The following SCIN variants were observed in gnomAD, a reference collection of about 807,000 sequenced individuals.
SCIN encodes the protein adseverin.
In SCIN, 91 loss-of-function variants were observed where a neutral mutation model predicts 91.8. That is an observed-to-expected ratio of 0.99 (90% CI 0.84 to 1.18). The LOEUF (loss-of-function observed/expected upper bound fraction) is 1.18. Among genes scored for constraint, SCIN ranks in the 50% most tolerant of loss-of-function variants. The pLI, the probability that SCIN is intolerant of heterozygous loss-of-function variation, is 0.00. For missense variants in SCIN, 1,087 were observed against 863.9 expected, an observed-to-expected ratio of 1.26 and a Z score of -3.24; for synonymous variants, 367 against 312.6, an observed-to-expected ratio of 1.17 and a Z score of -1.84.
intron 14 of SCIN, among the ~76,000 whole-genome samples, chr7:12,650,132 C>G (rs892605259): frequency 3.9e-5 from 6 of 152,038 alleles, no homozygotes; most frequent in Non-Finnish European, 8.8e-5. Flanking sequence ...TTATATAGAA[C>G]AAGTGTGAAA....
At chr7:12,647,251 C>G (rs889365798) in intron 13 of SCIN, among the ~76,000 whole-genome samples, 3 of 152,216 alleles carry the variant, frequency 2.0e-5, no homozygotes, top group African/African-American at 7.2e-5. Flanking sequence ...TACATTTCCT[C>G]TGCACCAACT....
chr7:12,614,228 G>C (rs142274645), intron 4 of SCIN, among the ~76,000 whole-genome samples: 48 of 152,266 alleles, frequency 3.2e-4, no homozygotes, highest in African/African-American at 1.1e-3. Flanking sequence ...CTGGTAGGCT[G>C]AACTTCCTGT....
intron 4 of SCIN, among the ~76,000 whole-genome samples, chr7:12,616,346 G>A (rs1783299425): frequency 6.6e-6 from 1 of 151,972 alleles, no homozygotes; most frequent in African/African-American, 2.4e-5. Context: ...TCTTGAGAGT[G>A]GGTTTATTAT....
chr7:12,618,227 A>T (rs907790738), intron 4 of SCIN, among the ~76,000 whole-genome samples: 3 of 152,154 alleles, frequency 2.0e-5, no homozygotes, highest in African/African-American at 7.2e-5. Flanking sequence ...ACTCAGTCAC[A>T]CTAGCCACAT....
chr7:12,615,610 G>T (rs1783282984), intron 4 of SCIN, among the ~76,000 whole-genome samples: 2 of 152,012 alleles, frequency 1.3e-5, no homozygotes, highest in African/African-American at 4.8e-5. Context: ...TAATTCAACT[G>T]GCTTACCCCT....
intron 5 of SCIN, among the ~76,000 whole-genome samples, chr7:12,623,744 G>A (rs886577908): frequency 5.3e-5 from 8 of 152,044 alleles, no homozygotes; most frequent in South Asian, 2.1e-4. Flanking sequence ...TTTTGGCTCC[G>A]AAACTCTGTG....
intron 9 of SCIN, among the ~76,000 whole-genome samples, chr7:12,630,903 T>C (rs1314783108): frequency 6.6e-6 from 1 of 152,202 alleles, no homozygotes; most frequent in Non-Finnish European, 1.5e-5. Flanking sequence ...CAGAAAAGTG[T>C]TTGTGCAACA....
At chr7:12,628,038 T>C (rs373568208) in intron 8 of SCIN, among the ~76,000 whole-genome samples, 19,768 of 128,962 alleles carry the variant, frequency 0.15, 1,861 homozygotes, top group East Asian at 0.34. Flanking sequence ...CGCGCGTGTG[T>C]GTGTGTGTGT....
intron 1 of SCIN, chr7:12,571,506 T>C (rs758573973): frequency 2.0e-5 from 8 of 407,048 alleles, no homozygotes; most frequent in Non-Finnish European, 3.5e-5. Context: ...ATTTTCTCTA[T>C]GATTGCGGGA....
At chr7:12,621,083 G>A (rs758076245) in intron 4 of SCIN, among the ~76,000 whole-genome samples, 2 of 152,110 alleles carry the variant, frequency 1.3e-5, no homozygotes, top group Non-Finnish European at 2.9e-5. Flanking sequence ...TACAGTTTAT[G>A]TCAAAGATCA....
At chr7:12,607,203 A>G (rs1427884513) in intron 4 of SCIN, among the ~76,000 whole-genome samples, 1 of 152,206 alleles carries the variant, frequency 6.6e-6, no homozygotes, top group African/African-American at 2.4e-5. Flanking sequence ...CCTCATATGC[A>G]AAGTGAAGGG....
At chr7:12,619,171 G>A (rs532113017) in intron 4 of SCIN, among the ~76,000 whole-genome samples, 1 of 152,012 alleles carries the variant, frequency 6.6e-6, no homozygotes, top group Non-Finnish European at 1.5e-5. Flanking sequence ...CATCCACAGT[G>A]ATATGTAGCT....
chr7:12,635,052 C>A (rs1783719667), intron 9 of SCIN, among the ~76,000 whole-genome samples: 1 of 151,702 alleles, frequency 6.6e-6, no homozygotes, highest in Non-Finnish European at 1.5e-5. Context: ...CACCTGTAAT[C>A]CCAGCTACTC....
At chr7:12,596,246 C>G in intron 3 of SCIN, 1 of 411,194 alleles carries the variant, frequency 2.4e-6, no homozygotes, top group South Asian at 1.8e-5. Flanking sequence ...ACATGCCAAC[C>G]TGAGTCTTTC....
At chr7:12,593,412 G>A (rs542869386) in intron 3 of SCIN, among the ~76,000 whole-genome samples, 1 of 152,252 alleles carries the variant, frequency 6.6e-6, no homozygotes, top group East Asian at 1.9e-4. Context: ...CCGGATGTCA[G>A]GGGCAGATTG....
chr7:12,659,388 G>C lies in SCIN; in HGVS notation c.*6673G>C, dbSNP rs1365205049. On this transcript the variant is annotated 3_prime_UTR_variant, in exon 16 of 16. Transcript: ENST00000297029. Reference sequence around the variant, plus strand: ...ATTTGAACAGCACCTTCAAAAACCAGAAGCCAGAAATCAGGTAGCTAGATT... The same window carrying C: ...ATTTGAACAGCACCTTCAAAAACCACAAGCCAGAAATCAGGTAGCTAGATT... 6.6e-6 allele frequency: 1 copy of C among 152,210 alleles called. No homozygotes were observed. Among genetic ancestry groups the C allele is most frequent in the Non-Finnish European group, 1.5e-5 (1 of 68,060 alleles). 9.4% of individuals were successfully genotyped at this position (152,210 alleles called of 1,614,324 possible).
chr7:12,597,618 A>G (rs138248584), intron 3 of SCIN, among the ~76,000 whole-genome samples: 86 of 152,292 alleles, frequency 5.6e-4, no homozygotes, highest in African/African-American at 2.0e-3. Flanking sequence ...CTCAACACAT[A>G]GTTTAAAGAA....
At position 12,622,836 on chromosome 7, in the gene SCIN, T is replaced by G. The variant is rs1432896750; in HGVS notation, c.702T>G (p.Gly234=). ...AAAAGCCAGAGCTTCCAGATGGAGG[T>G]GATGATGATGACATTATAGCAGACA... The part of the protein sequence containing the change: ...LGEKPELPDG[G]DDDDIIADIS... Residue 234 remains glycine, a synonymous_variant, in exon 5 of 16, where the codon GGT becomes GGG. Coordinates refer to ENST00000297029, the MANE Select transcript of SCIN (RefSeq NM_001112706.3). The G allele has an allele frequency of 9.3e-6, 15 of 1,612,446 alleles. No homozygotes were observed. Among genetic ancestry groups the G allele is most frequent in the Non-Finnish European group, 1.3e-5 (15 of 1,179,086 alleles).
In SCIN at chr7:12,598,315, G is replaced by A. The variant is rs554048999; in HGVS notation, c.517-6199G>A. ...TAAGAACAGAGTTTTTTTCAAGCAT[G>A]GTGCCAAATGAATACAAAGTTTCCT... is the stretch of plus-strand genomic sequence containing the variant. On this transcript the variant is annotated intron_variant, in intron 3 of 15. Coordinates refer to ENST00000297029, the MANE Select transcript of SCIN (RefSeq NM_001112706.3). 2.0e-5 allele frequency among the ~76,000 whole-genome samples: 3 copies of A among 151,626 alleles called. No homozygotes were observed. The South Asian group carries it at 6.3e-4, about 32-fold the overall frequency.
Sources: allele counts gnomAD v4.1 joint callset (sites outside exome capture counted in the v4.1 genomes callset), GRCh38; gene constraint gnomAD v4.1.1; transcripts MANE v1.5; gene names NCBI Gene and HGNC (gene_info 2026-07-23, HGNC 2026-07-21).